HSPA12A: variants seen among roughly 807,000 people sequenced by gnomAD.
HSPA12A encodes the protein heat shock protein family A (Hsp70) member 12A.
HSPA12A carries 28 observed loss-of-function variants against 69.2 expected under a neutral mutation model. That is an observed-to-expected ratio of 0.40 (90% confidence interval 0.30 to 0.55). HSPA12A has a LOEUF of 0.55. HSPA12A is among the 20% of genes least tolerant of loss of function. HSPA12A has a pLI of 0.38. For missense variants in HSPA12A, 686 were observed against 900.7 expected (o/e 0.76, Z 3.05); for synonymous variants, 345 against 370.5 (o/e 0.93, Z 0.79).
intron 10 of HSPA12A, 45 bp from the exon 11 acceptor site, chr10:116,676,547 A>G: frequency 6.9e-7 from 1 of 1,441,444 alleles, no homozygotes; most frequent in Non-Finnish European, 9.8e-7. Context: ...GAGGGTCTAC[A>G]CGATACCCAG....
chr10:116,800,284 C>T (rs145161816), intron 2 of HSPA12A, among the ~76,000 whole-genome samples: 1 of 152,172 alleles, frequency 6.6e-6, no homozygotes, highest in Non-Finnish European at 1.5e-5. Flanking sequence ...CCAACTTACC[C>T]CCAGTTCTGA....
At chr10:116,839,627 A>AC (rs1438162145) in intron 1 of HSPA12A, among the ~76,000 whole-genome samples, 1 of 149,450 alleles carries the variant, frequency 6.7e-6, no homozygotes, top group Non-Finnish European at 1.5e-5. Flanking sequence ...AAAAAAAAAA[A>AC]AAACCTAAAA....
chr10:116,763,329 A>G (rs937685176), intron 2 of HSPA12A, among the ~76,000 whole-genome samples: 7 of 152,204 alleles, frequency 4.6e-5, no homozygotes, highest in African/African-American at 1.4e-4. Context: ...TTTTAAAATA[A>G]AATGTTTTCA....
At chr10:116,827,853 C>T (rs892433505) in intron 2 of HSPA12A, among the ~76,000 whole-genome samples, 2 of 152,192 alleles carry the variant, frequency 1.3e-5, no homozygotes, top group Admixed American at 6.5e-5. Flanking sequence ...CCTCTAAATT[C>T]TCTGCGGCAG....
chr10:116,742,584 G>GAGCGCTGCTCTGACGCGGC (rs1432491956), upstream of HSPA12A: 4 of 1,130,764 alleles, frequency 3.5e-6, no homozygotes, highest in African/African-American at 3.3e-5. Context: ...CGGGCAGCGG[G>GAGCGCTGCTCTGACGCGGC]AGCGCTGCTC....
chr10:116,711,666 T>C (rs915732555), intron 1 of HSPA12A, among the ~76,000 whole-genome samples: 3 of 39,426 alleles, frequency 7.6e-5, no homozygotes, highest in Middle Eastern at 0.016. Context: ...TCTTTTTTTT[T>C]CTTTTTTTTT....
chr10:116,763,843 T>C (rs1844022980), intron 2 of HSPA12A, among the ~76,000 whole-genome samples: 1 of 152,160 alleles, frequency 6.6e-6, no homozygotes, highest in African/African-American at 2.4e-5. Context: ...AAAATAATCA[T>C]AAATTATGAA....
intron 2 of HSPA12A, among the ~76,000 whole-genome samples, chr10:116,777,999 TAC>T (rs1223370094): frequency 3.3e-5 from 5 of 152,166 alleles, no homozygotes; most frequent in Non-Finnish European, 5.9e-5. Flanking sequence ...GTGCTGGGAT[TAC>T]AGACACGAGC....
chr10:116,814,147 G>T (rs916268736), intron 2 of HSPA12A, among the ~76,000 whole-genome samples: 5 of 152,272 alleles, frequency 3.3e-5, no homozygotes, highest in Admixed American at 6.5e-5. Flanking sequence ...AGAATTAAAT[G>T]AAAATTCTAG....
intron 2 of HSPA12A, among the ~76,000 whole-genome samples, chr10:116,783,686 G>C (rs1372046381): frequency 6.6e-6 from 1 of 152,194 alleles, no homozygotes; most frequent in Non-Finnish European, 1.5e-5. Flanking sequence ...AAAAGAGCAA[G>C]GAACAGAATG....
At chr10:116,741,927 G>A (rs1243754808) in intron 1 of HSPA12A, among the ~76,000 whole-genome samples, 2 of 152,188 alleles carry the variant, frequency 1.3e-5, no homozygotes, top group Non-Finnish European at 2.9e-5. Context: ...GGCCGGGGTG[G>A]GATGGGGCGA....
intron 2 of HSPA12A, chr10:116,750,035 A>T (rs938093041): frequency 7.5e-6 from 2 of 267,668 alleles, no homozygotes; most frequent in African/African-American, 4.4e-5. Context: ...TAAGTACAAC[A>T]TGCCCAAATA....
chr10:116,797,704 G>A (rs553994853), intron 2 of HSPA12A, among the ~76,000 whole-genome samples: 21 of 152,324 alleles, frequency 1.4e-4, no homozygotes, highest in African/African-American at 4.8e-4. Flanking sequence ...TCAACAGGGT[G>A]GAAGGTGACC....
intron 4 of HSPA12A, 54 bp from the exon 5 acceptor site, chr10:116,698,793 T>G: frequency 1.1e-5 from 15 of 1,427,108 alleles, no homozygotes; most frequent in Non-Finnish European, 1.4e-5. Context: ...GAAACATGTC[T>G]CCTGGCTTTG....
At chr10:116,733,245 G>T (rs1851215966) in intron 1 of HSPA12A, among the ~76,000 whole-genome samples, 1 of 152,138 alleles carries the variant, frequency 6.6e-6, no homozygotes, top group Admixed American at 6.5e-5. Flanking sequence ...AATGACTAAA[G>T]GAAAGAAAAG....
intron 1 of HSPA12A, among the ~76,000 whole-genome samples, chr10:116,719,199 T>C (rs1250415715): frequency 1.3e-5 from 2 of 152,250 alleles, no homozygotes; most frequent in Non-Finnish European, 1.5e-5. Context: ...AAGCCAGTCA[T>C]GGCAAGCCTC....
At position 116,675,394 on chromosome 10, in the gene HSPA12A, A is replaced by G; in HGVS notation, c.1415T>C (p.Val472Ala). 1.2e-6 allele frequency: 2 copies of G among 1,600,534 alleles called. No homozygotes were observed. The highest frequency in any genetic ancestry group is 1.1e-5 in the South Asian group (1 of 89,420). ...HLRDLFQKPE[V>A]STVKFLFLVG... ...CAGAAAGAGGAACTTGACGGTGGAC[A>G]CCTCGGGCTTCTGAAACAGGTCCCC... The change falls in exon 12 of 12, where the codon GTG becomes GCG. Residue 472 changes from valine (V) to alanine (A), a missense_variant. Coordinates refer to ENST00000369209, the MANE Select transcript of HSPA12A (RefSeq NM_025015.3). This position sits in a 1 kb window ranked among gnomAD's most constrained non-coding sequence, Gnocchi z 5.2.
At chr10:116,733,562 G>A (rs1352845221) in intron 1 of HSPA12A, among the ~76,000 whole-genome samples, 1 of 152,158 alleles carries the variant, frequency 6.6e-6, no homozygotes, top group African/African-American at 2.4e-5. Context: ...GGTGCTAAGT[G>A]GGTCGATGAA....
At chr10:116,728,119 T>C (rs1851034276) in intron 1 of HSPA12A, among the ~76,000 whole-genome samples, 1 of 151,988 alleles carries the variant, frequency 6.6e-6, no homozygotes, top group Non-Finnish European at 1.5e-5. Flanking sequence ...ATTTTTGTAT[T>C]TTTAGTAGAG....
Sources: gnomAD v4.1 joint callset for allele counts (sites outside exome capture counted in the v4.1 genomes callset) on GRCh38, gnomAD v4.1.1 for gene constraint, Gnocchi (gnomAD v3.1) non-coding constraint, MANE v1.5 for transcripts, NCBI Gene and HGNC (gene_info 2026-07-23, HGNC 2026-07-21) for gene names.